The following LRBA variants were observed in gnomAD, a reference collection of about 807,000 sequenced individuals.
LRBA encodes the protein LPS responsive beige-like anchor protein.
In LRBA, 176 loss-of-function variants were observed where a neutral mutation model predicts 330.0. The observed-to-expected ratio is 0.53, with a 90% CI of 0.47 to 0.60. The LOEUF is 0.60. LRBA is among the 20% of genes least tolerant of loss of function. The pLI, the probability that LRBA is intolerant of heterozygous loss-of-function variation, is 0.00. For synonymous variants in LRBA, 1,230 were observed against 1,193.0 expected (o/e 1.03, Z -0.64); for missense variants, 3,259 against 3,444.8 (o/e 0.95, Z 1.35).
At chr4:150,514,363 C>A (rs1044352145) in intron 40 of LRBA, among the ~76,000 whole-genome samples, 1 of 152,182 alleles carries the variant, frequency 6.6e-6, no homozygotes, top group Non-Finnish European at 1.5e-5. Context: ...TGAGCCACCA[C>A]ATGCCGGGCC....
chr4:150,886,118 T>C (rs1294635474), intron 17 of LRBA, among the ~76,000 whole-genome samples: 5 of 152,094 alleles, frequency 3.3e-5, no homozygotes, highest in African/African-American at 1.2e-4. Flanking sequence ...AACACAAAAA[T>C]CAACTTCCCA....
chr4:150,959,854 T>G (rs1279300832), intron 2 of LRBA, among the ~76,000 whole-genome samples: 1 of 145,768 alleles, frequency 6.9e-6, no homozygotes, highest in East Asian at 1.9e-4. Flanking sequence ...ACAAAGAATA[T>G]ATTTATAAAT....
intron 2 of LRBA, among the ~76,000 whole-genome samples, chr4:150,961,750 G>A (rs931189791): frequency 1.3e-5 from 2 of 149,148 alleles, no homozygotes; most frequent in Non-Finnish European, 2.9e-5. Context: ...TTTAAAAAGC[G>A]GTAGCAGTAG....
intron 37 of LRBA, among the ~76,000 whole-genome samples, chr4:150,672,978 ATGACTGACTG>A (rs1292760953): frequency 6.6e-6 from 1 of 152,218 alleles, no homozygotes; most frequent in African/African-American, 2.4e-5. Context: ...TGACGAACAA[ATGACTGACTG>A]ATTTAGTCAG....
At chr4:150,541,107 T>C (rs1765273755) in intron 40 of LRBA, among the ~76,000 whole-genome samples, 1 of 152,218 alleles carries the variant, frequency 6.6e-6, no homozygotes, top group South Asian at 2.1e-4. Flanking sequence ...AGCCAGTTAC[T>C]GGATTTAGTC....
intron 47 of LRBA, among the ~76,000 whole-genome samples, chr4:150,413,935 C>A (rs1009922039): frequency 5.3e-5 from 7 of 131,992 alleles, no homozygotes; most frequent in African/African-American, 1.9e-4. Flanking sequence ...CCTTCAGTAT[C>A]TTTCAGAGCA....
intron 34 of LRBA, among the ~76,000 whole-genome samples, chr4:150,792,071 GA>G (rs1222909656): frequency 1.2e-4 from 15 of 126,712 alleles, no homozygotes; most frequent in South Asian, 2.7e-4. Flanking sequence ...TTTCTATTTT[GA>G]TTAAGCAAAG....
chr4:151,007,685 G>C (rs1365354187), intron 2 of LRBA, among the ~76,000 whole-genome samples: 1 of 150,692 alleles, frequency 6.6e-6, no homozygotes, highest in African/African-American at 2.4e-5. Context: ...GTGAAACCAC[G>C]TGTCTACTAA....
At position 150,940,447 on chromosome 4, in the gene LRBA, G is replaced by A. The variant is rs1224288792; in HGVS notation, c.217-11382C>T. On this transcript the variant is annotated intron_variant, in intron 2 of 56. Transcript: ENST00000651943. Reference sequence around the variant, plus strand: ...AGTTAGAATAAAGATAATTGTTTTAGCAAAGAAAAAGAGATTCCAAGTAAA... The same window carrying A: ...AGTTAGAATAAAGATAATTGTTTTAACAAAGAAAAAGAGATTCCAAGTAAA... Among the ~76,000 whole-genome samples, 3 of 152,176 alleles carry A rather than the reference G, an allele frequency of 2.0e-5. No individual in the cohort carries two copies. In the East Asian group the frequency reaches 5.8e-4, roughly 29 times the overall value.
intron 35 of LRBA, among the ~76,000 whole-genome samples, chr4:150,737,178 A>G (rs1334413497): frequency 6.6e-6 from 1 of 152,184 alleles, no homozygotes; most frequent in Non-Finnish European, 1.5e-5. Context: ...TGATCACACC[A>G]TGGCACTTCA....
At chr4:150,718,073 T>C (rs1728466540) in intron 36 of LRBA, among the ~76,000 whole-genome samples, 1 of 152,186 alleles carries the variant, frequency 6.6e-6, no homozygotes, top group Admixed American at 6.6e-5. Context: ...ATGATGTTTC[T>C]GCATGACATA....
In LRBA at chr4:150,928,544, C is replaced by T; in HGVS notation, c.521G>A (p.Ser174Asn). The T allele has an allele frequency of 6.2e-7, 1 of 1,613,682 alleles. No homozygotes were observed. ...TCGTCCTTTATCTCCTTGAAGTTTA[C>T]TGAAGAAAAGCTTTAGCTCGCGAAC... Reference protein sequence around the residue: ...LTVRELKLFFSKLQGDKGRWP... With the variant: ...LTVRELKLFFNKLQGDKGRWP... The change falls in exon 4 of 57, where the codon AGT (serine) becomes AAT (asparagine). Residue 174 changes from serine to asparagine, a missense_variant. Coordinates refer to ENST00000651943, the MANE Select transcript of LRBA (RefSeq NM_001364905.1).
At chr4:150,359,592 A>G (rs767940842) in intron 47 of LRBA, among the ~76,000 whole-genome samples, 3 of 152,172 alleles carry the variant, frequency 2.0e-5, no homozygotes, top group Non-Finnish European at 4.4e-5. Context: ...CTTAGTATTA[A>G]TATTTTGGAC....
chr4:150,415,753 T>C (rs1462894274), intron 46 of LRBA, among the ~76,000 whole-genome samples, 163 bp from the exon 47 acceptor site: 1 of 152,194 alleles, frequency 6.6e-6, no homozygotes, highest in African/African-American at 2.4e-5. Flanking sequence ...TCTCATAAGA[T>C]AGACAGATCC....
chr4:150,628,641 T>C (rs536786745), intron 37 of LRBA, among the ~76,000 whole-genome samples: 2 of 152,310 alleles, frequency 1.3e-5, no homozygotes, highest in Admixed American at 6.5e-5. Context: ...AAAATCATCA[T>C]TTATAATCTG....
intron 22 of LRBA, among the ~76,000 whole-genome samples, chr4:150,865,626 G>C (rs751864777): frequency 4.0e-5 from 6 of 151,754 alleles, no homozygotes; most frequent in Admixed American, 3.3e-4. Flanking sequence ...AGAAAGAGGA[G>C]GAACAATGAA....
chr4:150,666,956 A>G (rs1214822665), intron 37 of LRBA, among the ~76,000 whole-genome samples: 1 of 152,206 alleles, frequency 6.6e-6, no homozygotes, highest in Non-Finnish European at 1.5e-5. Context: ...TAATGAAAGG[A>G]AAATATTTAA....
intron 42 of LRBA, among the ~76,000 whole-genome samples, chr4:150,471,960 G>C (rs1756183279): frequency 1.3e-5 from 2 of 151,970 alleles, no homozygotes; most frequent in South Asian, 4.1e-4. Flanking sequence ...CAGGTAAGCT[G>C]TCATTACAGT....
intron 40 of LRBA, among the ~76,000 whole-genome samples, chr4:150,537,626 C>T (rs1277793025): frequency 6.6e-6 from 1 of 152,046 alleles, no homozygotes; most frequent in Non-Finnish European, 1.5e-5. Context: ...AAACTTCATT[C>T]AACAAGCAAA....
Sources: gnomAD v4.1 joint callset for allele counts (sites outside exome capture counted in the v4.1 genomes callset) on GRCh38, gnomAD v4.1.1 for gene constraint, MANE v1.5 for transcripts, NCBI Gene and HGNC (gene_info 2026-07-23, HGNC 2026-07-21) for gene names.